Variants in PTPRQ observed in about 807,000 individuals in gnomAD.
PTPRQ encodes phosphatidylinositol phosphatase PTPRQ.
PTPRQ carries 199 observed loss-of-function variants against 246.0 expected under a neutral mutation model. That is an observed-to-expected ratio of 0.81 (90% CI 0.72 to 0.91). The LOEUF is 0.91. PTPRQ is among the 40% of genes least tolerant of loss of function. The pLI, the probability that PTPRQ is intolerant of heterozygous loss-of-function variation, is 0.00. For missense variants in PTPRQ, 2,624 were observed against 2,528.4 expected, an observed-to-expected ratio of 1.04 and a Z score of -0.81; for synonymous variants, 869 against 853.2, an observed-to-expected ratio of 1.02 and a Z score of -0.32.
Position 80,506,549 on chromosome 12 carries a change from C to T in PTPRQ, c.2456-20C>T, listed in dbSNP as rs915356007. 1 of 1,471,340 alleles carries T rather than the reference C, an allele frequency of 6.8e-7. No homozygotes were observed. 91.1% of individuals were successfully genotyped at this position (1,471,340 alleles called of 1,614,324 possible). On this transcript the variant is annotated intron_variant, in intron 15 of 44. Transcript: ENST00000644991. ...ATGATATTTTGTAAGTTTCAACTTA[C>T]CTATTTGATTTCTCTTTAGTACTGA...
At position 80,558,127 on chromosome 12, in the gene PTPRQ, T is replaced by TTTCTTTCTTTCTTTCTTTC. The variant is rs1565785456; in HGVS notation, c.4285+8393_4285+8394insTTCTTTCTTTCTTTCTTTC. On this transcript the variant is annotated intron_variant, in intron 25 of 44. Coordinates refer to ENST00000644991, the MANE Select transcript of PTPRQ (RefSeq NM_001145026.2). ...TCTTCTTTCTTTTCTTTCTTTCTTT[T>TTTCTTTCTTTCTTTCTTTC]CTTTTCTTTTCTTTTCTTTTCTTTT... is the stretch of plus-strand genomic sequence containing the variant. Among the ~76,000 whole-genome samples, 4 of 116,062 alleles carry TTTCTTTCTTTCTTTCTTTC rather than the reference T, an allele frequency of 3.4e-5. 1 individual carries two copies. Among genetic ancestry groups the TTTCTTTCTTTCTTTCTTTC allele is most frequent in the African/African-American group, 1.9e-4 (4 of 21,544 alleles). The allele number at this position is 116,062 out of a possible 152,430, so 76.1% of individuals were successfully genotyped here.
At chr12:80,493,586 C>T in intron 10 of PTPRQ, 131 bp downstream of exon 10, 1 of 1,313,364 alleles carries the variant, frequency 7.6e-7, no homozygotes, top group Non-Finnish European at 9.9e-7. Context: ...TTTTTTTTAG[C>T]TGTCGGAAAA....
intron 32 of PTPRQ, 138 bp downstream of exon 32, chr12:80,620,514 T>A: frequency 7.9e-7 from 1 of 1,270,122 alleles, no homozygotes; most frequent in Non-Finnish European, 1.1e-6. Flanking sequence ...TTTCTGGCAC[T>A]AGGAATAGAA....
intron 17 of PTPRQ, among the ~76,000 whole-genome samples, chr12:80,516,216 T>G (rs187555110): frequency 6.6e-6 from 1 of 152,346 alleles, no homozygotes; most frequent in East Asian, 1.9e-4. Flanking sequence ...ATTCAACTTG[T>G]AATTGTTTAG....
intron 6 of PTPRQ, among the ~76,000 whole-genome samples, chr12:80,466,701 T>C (rs978884475): frequency 5.6e-4 from 85 of 152,174 alleles, no homozygotes; most frequent in Admixed American, 1.2e-3. Flanking sequence ...GAAATAACGC[T>C]GCATATCTAC....
In PTPRQ at chr12:80,506,657, G is replaced by A. The variant is rs1442560252; in HGVS notation, c.2544G>A (p.Leu848=). Reference sequence around the variant, plus strand: ...TTCGGAGTGCTCCCATAAGTATACTGACGGAGGAAGATGGTAAATATAATA... The same window carrying A: ...TTCGGAGTGCTCCCATAAGTATACTAACGGAGGAAGATGGTAAATATAATA... The part of the protein sequence containing the change: ...EGVRSAPISI[L]TEEDAPDSPP... The change falls in exon 16 of 45, where the codon CTG becomes CTA. Residue 848 remains leucine, a synonymous_variant. Coordinates refer to ENST00000644991, the MANE Select transcript of PTPRQ (RefSeq NM_001145026.2). 2 of 1,540,680 alleles carry A rather than the reference G, an allele frequency of 1.3e-6. No individual in the cohort carries two copies. Among genetic ancestry groups the A allele is most frequent in the Non-Finnish European group, 1.8e-6 (2 of 1,140,582 alleles).
Position 80,641,898 on chromosome 12 carries a change from G to A in PTPRQ, c.5915+6825G>A, listed in dbSNP as rs562926808. Among the ~76,000 whole-genome samples the A allele has an allele frequency of 4.0e-4, 52 of 129,318 alleles. 1 individual carries two copies. Among genetic ancestry groups the A allele is most frequent in the East Asian group, 3.4e-3 (15 of 4,450 alleles). The allele number at this position is 129,318 out of a possible 152,430, so 84.8% of individuals were successfully genotyped here. A position where few individuals can be genotyped will look rare whatever the true frequency, so the allele number is the denominator to read the frequency against. The stretch of plus-strand genomic sequence containing the variant: ...CTCTCTCTCTTGCTCTCTCTCTCTC[G>A]CTCTCTCTCTTTCTCTCCCTCCTTC... On this transcript the variant is annotated intron_variant, in intron 35 of 44. Transcript: ENST00000644991.
rs1163042 is a variant in PTPRQ at position 80,669,077 on chromosome 12, G to A, written c.6263G>A (p.Arg2088Lys). The A allele has an allele frequency of 3.4e-3, 5,343 of 1,550,584 alleles. 149 individuals are homozygous for A. In the African/African-American group the frequency reaches 0.066, roughly 19 times the overall value. Residue 2088 changes from arginine to lysine, a missense_variant, in exon 40 of 45, where the codon AGA (arginine) becomes AAA (lysine). Physicochemically the swap from Arg to Lys is conservative, Grantham distance 26. Transcript: ENST00000644991. ...PLPGTVGDFW[R>K]MVWETRAKTL... ...CCAGGAACAGTTGGAGATTTTTGGA[G>A]AATGGTGTGGGAAACCAGAGCAAAA...
At chr12:80,493,812 T>C (rs554046928) in intron 10 of PTPRQ, among the ~76,000 whole-genome samples, 39 of 151,878 alleles carry the variant, frequency 2.6e-4, no homozygotes, top group Non-Finnish European at 5.2e-4. Flanking sequence ...GACTAATAGG[T>C]TTTCAAGTGT....
intron 20 of PTPRQ, among the ~76,000 whole-genome samples, chr12:80,541,137 C>T (rs537440901): frequency 7.3e-4 from 111 of 152,064 alleles, no homozygotes; most frequent in African/African-American, 2.1e-3. Context: ...AACTTAATGG[C>T]TGAGCTTTAG....
chr12:80,484,655 G>T, intron 9 of PTPRQ, 50 bp downstream of exon 9: 1 of 1,527,130 alleles, frequency 6.5e-7, no homozygotes, highest in Non-Finnish European at 8.8e-7. Context: ...GCTTGGTTCT[G>T]GCTCTGATAG....
chr12:80,559,806 A>G (rs926001571), intron 25 of PTPRQ, among the ~76,000 whole-genome samples: 1 of 152,170 alleles, frequency 6.6e-6, no homozygotes, highest in African/African-American at 2.4e-5. Flanking sequence ...ATAATTTAAT[A>G]CAACTTTATT....
chr12:80,577,118 AGCT>A (rs892535938), intron 25 of PTPRQ, among the ~76,000 whole-genome samples: 3 of 152,242 alleles, frequency 2.0e-5, no homozygotes, highest in African/African-American at 7.2e-5. Flanking sequence ...TACTGCATGC[AGCT>A]GTCAAAACTA....
chr12:80,663,175 A>G (rs141160288), intron 39 of PTPRQ, among the ~76,000 whole-genome samples: 33 of 152,056 alleles, frequency 2.2e-4, no homozygotes, highest in African/African-American at 7.9e-4. Flanking sequence ...ATAAAATAAT[A>G]TTTCAAATCC....
chr12:80,560,511 T>C (rs1172746189), intron 25 of PTPRQ, among the ~76,000 whole-genome samples: 4 of 152,218 alleles, frequency 2.6e-5, no homozygotes, highest in Admixed American at 2.6e-4. Flanking sequence ...CAATCCACTG[T>C]TATATGGCCA....
chr12:80,582,585 C>T (rs906242914), intron 25 of PTPRQ, among the ~76,000 whole-genome samples: 2 of 152,172 alleles, frequency 1.3e-5, no homozygotes, highest in African/African-American at 2.4e-5. Flanking sequence ...CAGTCTGGAA[C>T]CAGGAGGCTG....
chr12:80,506,095 C>G lies in PTPRQ; in HGVS notation c.2344C>G (p.Pro782Ala). 2 of 1,545,014 alleles carry G rather than the reference C, an allele frequency of 1.3e-6. No individual in the cohort carries two copies. The highest frequency in any genetic ancestry group is 2.4e-5 in the South Asian group (2 of 82,060). ...SSGEIELSFL[P>A]PSSPNGIIQK... Reference sequence around the variant, plus strand: ...TGGAGAGATTGAGCTATCATTCCTTCCCCCAAGTAGTCCCAATGGAATCAT... The same window carrying G: ...TGGAGAGATTGAGCTATCATTCCTTGCCCCAAGTAGTCCCAATGGAATCAT... Residue 782 changes from proline to alanine, a missense_variant, in exon 15 of 45, where the codon CCC becomes GCC. Coordinates refer to ENST00000644991, the MANE Select transcript of PTPRQ (RefSeq NM_001145026.2).
intron 8 of PTPRQ, among the ~76,000 whole-genome samples, chr12:80,481,883 A>G (rs11114477): frequency 0.22 from 32,753 of 150,912 alleles, 3,977 homozygotes; most frequent in African/African-American, 0.31. Context: ...AGAGGATACA[A>G]ACAAATGGAA....
intron 17 of PTPRQ, among the ~76,000 whole-genome samples, chr12:80,529,035 C>G (rs1043999761): frequency 6.6e-6 from 1 of 152,138 alleles, no homozygotes; most frequent in Non-Finnish European, 1.5e-5. Context: ...CAGACTGTCT[C>G]TGAGATGCTA....
Sources: gnomAD v4.1 joint callset for allele counts (sites outside exome capture counted in the v4.1 genomes callset) on GRCh38, gnomAD v4.1.1 for gene constraint, MANE v1.5 for transcripts, NCBI Gene and HGNC (gene_info 2026-07-23, HGNC 2026-07-21) for gene names.